The following CENPE variants were observed in gnomAD, a reference collection of about 807,000 sequenced individuals.
The protein encoded by CENPE is centromere-associated protein E.
In CENPE, 145 loss-of-function variants were observed where a neutral mutation model predicts 336.1. The ratio of observed to expected loss-of-function variants is 0.43; its 90% CI spans 0.38 to 0.50. The LOEUF is 0.50. Among genes scored for constraint, CENPE ranks in the 20% least tolerant of loss-of-function variants. The probability of loss-of-function intolerance (pLI) is 0.00; values close to 1 mark genes in which losing one functional copy is unlikely to be tolerated. For missense variants in CENPE, 2,719 were observed against 3,023.3 expected, an observed-to-expected ratio of 0.90 and a Z score of 2.36; for synonymous variants, 1,013 against 984.8, an observed-to-expected ratio of 1.03 and a Z score of -0.54.
intron 14 of CENPE, 67 bp from the exon 15 acceptor site, chr4:103,176,115 G>C (rs1378297495): frequency 1.1e-6 from 1 of 912,342 alleles, no homozygotes; most frequent in Non-Finnish European, 1.7e-6. Context: ...TCAAATTAAA[G>C]ATTACTAAAA....
At chr4:103,183,427 A>C in intron 9 of CENPE, 139 bp from the exon 10 acceptor site, 1 of 586,292 alleles carries the variant, frequency 1.7e-6, no homozygotes, top group Non-Finnish European at 2.9e-6. Flanking sequence ...GCCCATCTTT[A>C]ATATCAGTGG....
rs567172271 is a variant in CENPE, at chr4:103,160,667, T to C, written c.2244A>G (p.Glu748=). The stretch of plus-strand genomic sequence containing the variant: ...CTACTTCAGAAGGTAAAGATTTCAA[T>C]TCTGAAAGCAAAATGACTTCTTCCC... ...ALREEVILLS[E]LKSLPSEVER... The change falls in exon 21 of 49, where the codon GAA becomes GAG. Residue 748 remains glutamate (E), a synonymous_variant. Transcript: ENST00000265148. 4 of 1,611,230 alleles carry C rather than the reference T, an allele frequency of 2.5e-6. No homozygotes were observed. The South Asian group carries it at 3.3e-5, about 13-fold the overall frequency.
At chr4:103,185,372 A>G (rs1324442759) in intron 9 of CENPE, among the ~76,000 whole-genome samples, 1 of 151,178 alleles carries the variant, frequency 6.6e-6, no homozygotes, top group Admixed American at 6.6e-5. Flanking sequence ...GTTTCTTCCT[A>G]GATATCACAT....
chr4:103,175,906 A>G, intron 15 of CENPE, 54 bp downstream of exon 15: 1 of 1,151,160 alleles, frequency 8.7e-7, no homozygotes, highest in Non-Finnish European at 1.3e-6. Context: ...CCTAATAACA[A>G]AAGAATTTTA....
At chr4:103,122,803 C>T in intron 43 of CENPE, 68 bp downstream of exon 43, 1 of 1,159,166 alleles carries the variant, frequency 8.6e-7, no homozygotes, top group Non-Finnish European at 1.3e-6. Flanking sequence ...TAAGTAAATA[C>T]TATAATTTTG....
chr4:103,138,974 C>T (rs991277361), intron 38 of CENPE, among the ~76,000 whole-genome samples: 1 of 152,332 alleles, frequency 6.6e-6, no homozygotes, highest in East Asian at 1.9e-4. Flanking sequence ...TATCCTAATG[C>T]ACTTTATTGG....
At chr4:103,107,502 A>G (rs1019954860) in intron 48 of CENPE, among the ~76,000 whole-genome samples, 2 of 152,324 alleles carry the variant, frequency 1.3e-5, no homozygotes, top group Admixed American at 1.3e-4. Context: ...CTACAGTTGC[A>G]TAACAGGGTA....
At chr4:103,109,240 T>C in intron 47 of CENPE, 151 bp from the exon 48 acceptor site, 1 of 657,850 alleles carries the variant, frequency 1.5e-6, no homozygotes, top group Non-Finnish European at 2.3e-6. Flanking sequence ...AATTTCAACC[T>C]CATGCTTCCT....
At position 103,163,508 on chromosome 4, in the gene CENPE, G is replaced by A; in HGVS notation, c.1693C>T (p.His565Tyr). ...AGATCTTGATTATATACTTCTGCATGCTTAACTAAATTCTTTAAGTTCGAA... is the reference window on the plus strand; with the variant it reads ...AGATCTTGATTATATACTTCTGCATACTTAACTAAATTCTTTAAGTTCGAA... ...EISNLKNLVK[H>Y]AEVYNQDLEN... Residue 565 changes from histidine to tyrosine, a missense_variant, in exon 17 of 49, where the codon CAT becomes TAT. Physicochemically the swap from His to Tyr is moderately conservative, Grantham distance 83 (BLOSUM62 2). Around this residue, in one of 5 missense-constraint regions of CENPE, gnomAD observed 2,437 missense variants for 2,513.3 expected, o/e 0.97. Transcript: ENST00000265148. 6.3e-7 allele frequency: 1 copy of A among 1,594,142 alleles called. No individual in the cohort carries two copies. The highest frequency in any genetic ancestry group is 8.5e-7 in the Non-Finnish European group (1 of 1,172,310).
intron 40 of CENPE, 83 bp downstream of exon 40, chr4:103,136,058 A>C: frequency 2.7e-6 from 3 of 1,121,942 alleles, no homozygotes; most frequent in Non-Finnish European, 3.9e-6. Flanking sequence ...AATAGCAAAT[A>C]TGCCGGCACC....
At position 103,147,589 on chromosome 4, in the gene CENPE, T is replaced by G. The variant is rs866478189; in HGVS notation, c.3901A>C (p.Thr1301Pro). 8 of 1,613,698 alleles carry G rather than the reference T, an allele frequency of 5.0e-6. No individual in the cohort carries two copies. Among genetic ancestry groups the G allele is most frequent in the African/African-American group, 4.0e-5 (3 of 74,930 alleles). ...TCCAGTTCATTCATTGTTTCCTGAG[T>G]CTCACTGACTTCTTTCACATTAGGC... ...LLPNVKEVSE[T>P]QETMNELELL... The change falls in exon 29 of 49, where the codon ACT becomes CCT. Residue 1301 changes from threonine (T) to proline (P), a missense_variant. Around this residue, in one of 5 missense-constraint regions of CENPE, gnomAD observed 2,437 missense variants for 2,513.3 expected, o/e 0.97. Coordinates refer to ENST00000265148, the MANE Select transcript of CENPE (RefSeq NM_001813.3).
Position 103,163,139 on chromosome 4 carries a change from A to G in CENPE, c.1840T>C (p.Leu614=), listed in dbSNP as rs147483549. 9 of 1,602,698 alleles carry G rather than the reference A, an allele frequency of 5.6e-6. No homozygotes were observed. Among genetic ancestry groups the G allele is most frequent in the Non-Finnish European group, 7.7e-6 (9 of 1,176,054 alleles). ...AACAAAATACGCCTGATTTTTACCA[A>G]TGAGTATGACAAGTCCATTTTTATA... The part of the protein sequence containing the change: ...ENIKMDLSYS[L]ESIEDPKQMK... Residue 614 remains leucine, a splice_region_variant and synonymous_variant, in exon 18 of 49, where the codon TTG becomes CTG. Coordinates refer to ENST00000265148, the MANE Select transcript of CENPE (RefSeq NM_001813.3).
At chr4:103,127,844 T>C (rs1751262419) in intron 42 of CENPE, among the ~76,000 whole-genome samples, 1 of 151,584 alleles carries the variant, frequency 6.6e-6, no homozygotes, top group Non-Finnish European at 1.5e-5. Context: ...GCAGAAAAAA[T>C]GTGGAAGACA....
chr4:103,164,673 T>C (rs549124600), intron 16 of CENPE, among the ~76,000 whole-genome samples: 1 of 152,192 alleles, frequency 6.6e-6, no homozygotes, highest in African/African-American at 2.4e-5. Context: ...CATGTTTCTT[T>C]AGGTAATCAA....
chr4:103,119,340 T>C (rs1227456170), intron 44 of CENPE, among the ~76,000 whole-genome samples: 2 of 152,200 alleles, frequency 1.3e-5, no homozygotes, highest in African/African-American at 4.8e-5. Flanking sequence ...ATTTGTTGAA[T>C]GAATAAAAAC....
rs923768109 is a variant in CENPE at position 103,163,359 on chromosome 4, A to G, written c.1723-103T>C. 7 of 1,277,468 alleles carry G rather than the reference A, an allele frequency of 5.5e-6. No homozygotes were observed. In the South Asian group the frequency reaches 9.6e-5, roughly 18 times the overall value. 79.1% of individuals were successfully genotyped at this position (1,277,468 alleles called of 1,614,324 possible). On this transcript the variant is annotated intron_variant, in intron 17 of 48. Transcript: ENST00000265148. ...TTAGTTTAAATTCATAGTAAAATTC[A>G]AAGTCACTAATATTTTAAAAACATA...
chr4:103,175,893 A>T, intron 15 of CENPE, 67 bp downstream of exon 15: 1 of 1,003,464 alleles, frequency 1.0e-6, no homozygotes, highest in South Asian at 1.6e-5. Flanking sequence ...ACAAGTAACA[A>T]AACCTAATAA....
chr4:103,141,301 T>A (rs536691098), intron 35 of CENPE, among the ~76,000 whole-genome samples, 197 bp from the exon 36 acceptor site: 1 of 152,312 alleles, frequency 6.6e-6, no homozygotes, highest in Admixed American at 6.5e-5. Context: ...TTAATTATTC[T>A]TGACACAGGT....
At chr4:103,129,224 A>C (rs1751380584) in intron 42 of CENPE, among the ~76,000 whole-genome samples, 1 of 152,202 alleles carries the variant, frequency 6.6e-6, no homozygotes, top group Non-Finnish European at 1.5e-5. Context: ...AGTAATTAAA[A>C]ACTTTCCAAA....
Sources: allele counts gnomAD v4.1 joint callset (sites outside exome capture counted in the v4.1 genomes callset), GRCh38; gene constraint gnomAD v4.1.1; regional missense constraint gnomAD v4.1.1; transcripts MANE v1.5; gene names NCBI Gene and HGNC (gene_info 2026-07-23, HGNC 2026-07-21).